Variants in NPR3 observed in about 807,000 individuals in gnomAD.
NPR3 encodes atrial natriuretic peptide receptor 3.
NPR3 carries 34 observed loss-of-function variants against 54.5 expected under a neutral mutation model. The ratio of observed to expected loss-of-function variants is 0.62; its 90% confidence interval spans 0.47 to 0.83. The LOEUF is 0.83. Ranked by LOEUF, NPR3 falls within the 40% of genes least tolerant of loss-of-function variation. The pLI, the probability that NPR3 is intolerant of heterozygous loss-of-function variation, is 0.00. For synonymous variants in NPR3, 289 were observed against 297.1 expected, an observed-to-expected ratio of 0.97 and a Z score of 0.28; for missense variants, 674 against 720.8, an observed-to-expected ratio of 0.94 and a Z score of 0.74.
At chr5:32,710,645 G>C (rs1462756240), upstream of NPR3, 1 of 1,482,192 alleles carries the variant, frequency 6.7e-7, no homozygotes, top group South Asian at 1.4e-5. Flanking sequence ...CGGGCCAGCC[G>C]GGCACACCAG....
chr5:32,780,063 C>A (rs1742258969), intron 4 of NPR3, among the ~76,000 whole-genome samples: 1 of 152,202 alleles, frequency 6.6e-6, no homozygotes, highest in Non-Finnish European at 1.5e-5. Context: ...AATCCCCAGT[C>A]CAGGCTGCCC....
intron 6 of NPR3, among the ~76,000 whole-genome samples, chr5:32,784,110 A>G (rs1019303211): frequency 6.6e-6 from 1 of 152,222 alleles, no homozygotes; most frequent in Non-Finnish European, 1.5e-5. Flanking sequence ...CAAATCTTCT[A>G]GCACTTTGAA....
chr5:32,785,746 C>T (rs767746762), intron 7 of NPR3, among the ~76,000 whole-genome samples: 2 of 152,130 alleles, frequency 1.3e-5, no homozygotes, highest in Non-Finnish European at 2.9e-5. Flanking sequence ...ATTGTTCTGC[C>T]CCGTGAGGGT....
At chr5:32,713,309 T>G in intron 1 of NPR3, 1 of 985,386 alleles carries the variant, frequency 1.0e-6, no homozygotes, top group Non-Finnish European at 1.2e-6. Context: ...CCAAGTTTTC[T>G]CCATGGGTCT....
At chr5:32,737,079 G>A (rs1739786149) in intron 2 of NPR3, among the ~76,000 whole-genome samples, 1 of 152,204 alleles carries the variant, frequency 6.6e-6, no homozygotes, top group African/African-American at 2.4e-5. Context: ...TGCCTGTGCT[G>A]TGATGTAGGC....
chr5:32,715,644 C>A (rs1468816465), intron 1 of NPR3, among the ~76,000 whole-genome samples: 1 of 152,164 alleles, frequency 6.6e-6, no homozygotes. Flanking sequence ...TTCACTTACA[C>A]AGCCAGCTAC....
chr5:32,693,888 G>C (rs58739438), intron 1 of NPR3, among the ~76,000 whole-genome samples: 54,116 of 151,994 alleles, frequency 0.36, 9,964 homozygotes, highest in Middle Eastern at 0.46. Flanking sequence ...TACACTCCCC[G>C]CAATGCAATC....
rs534430569 is a variant in NPR3, at chr5:32,712,528, T to G, written c.752T>G (p.Ile251Ser). ...DLDLEDIVRN[I>S]QASERVVIMC... Reference sequence around the variant, plus strand: ...GATCTGGAAGACATCGTGCGCAATATCCAGGCCAGTGAGAGAGGTGAGCAG... The same window carrying G: ...GATCTGGAAGACATCGTGCGCAATAGCCAGGCCAGTGAGAGAGGTGAGCAG... The change falls in exon 1 of 8, where the codon ATC (isoleucine) becomes AGC (serine). Residue 251 changes from isoleucine to serine, a missense_variant. Transcript: ENST00000265074. 9 of 1,527,276 alleles carry G rather than the reference T, an allele frequency of 5.9e-6. No individual in the cohort carries two copies. The highest frequency in any genetic ancestry group is 7.0e-6 in the Non-Finnish European group (8 of 1,140,316). 94.6% of individuals were successfully genotyped at this position (1,527,276 alleles called of 1,614,324 possible).
rs1742912984 is a variant in NPR3 at position 32,791,548 on chromosome 5, G to A, written c.*5203G>A. The A allele has an allele frequency of 6.0e-6, 1 of 167,040 alleles. No homozygotes were observed. The highest frequency in any genetic ancestry group is 6.5e-5 in the Admixed American group (1 of 15,282). The allele number at this position is 167,040 out of a possible 1,614,324, so 10.3% of individuals were successfully genotyped here. ...ACTAATGACTGTGGATATAACCCATGTTTTGTATAATATATTTTATTTCTT... is the reference window on the plus strand; with the variant it reads ...ACTAATGACTGTGGATATAACCCATATTTTGTATAATATATTTTATTTCTT... On this transcript the variant is annotated 3_prime_UTR_variant, in exon 8 of 8. Transcript: ENST00000265074.
intron 4 of NPR3, among the ~76,000 whole-genome samples, chr5:32,775,335 C>T (rs2112051112): frequency 6.6e-6 from 1 of 150,836 alleles, no homozygotes; most frequent in South Asian, 2.1e-4. Flanking sequence ...GCTCTTGTTG[C>T]CCAGGCTGGA....
chr5:32,771,957 T>C (rs981691630), intron 3 of NPR3, among the ~76,000 whole-genome samples: 1 of 150,840 alleles, frequency 6.6e-6, no homozygotes, highest in African/African-American at 2.4e-5. Flanking sequence ...GACCTCAAAC[T>C]TAAAAAAAAA....
At chr5:32,733,911 G>A in intron 2 of NPR3, among the ~76,000 whole-genome samples, 1 of 152,144 alleles carries the variant, frequency 6.6e-6, no homozygotes, top group East Asian at 1.9e-4. Flanking sequence ...TTGGTATCTG[G>A]AGTCTGGCTT....
At chr5:32,706,504 T>G (rs1024082434), upstream of NPR3, among the ~76,000 whole-genome samples, 2 of 152,236 alleles carry the variant, frequency 1.3e-5, no homozygotes, top group Non-Finnish European at 2.9e-5. Flanking sequence ...ATTTTGCTTG[T>G]TGACTTTCTG....
chr5:32,757,876 T>TGGTTCTCTTTATATGA (rs1290293987), intron 3 of NPR3, among the ~76,000 whole-genome samples: 2 of 152,260 alleles, frequency 1.3e-5, no homozygotes, highest in African/African-American at 4.8e-5. Context: ...TTTTTGTCTT[T>TGGTTCTCTTTATATGA]GGTTCTCTTT....
chr5:32,751,694 T>A (rs1740586544), intron 3 of NPR3, among the ~76,000 whole-genome samples: 1 of 152,158 alleles, frequency 6.6e-6, no homozygotes, highest in Non-Finnish European at 1.5e-5. Context: ...TGTTTGGGCA[T>A]TCCCTCTCTC....
intron 2 of NPR3, among the ~76,000 whole-genome samples, chr5:32,728,881 A>C (rs1329693708): frequency 7.4e-6 from 1 of 134,384 alleles, no homozygotes; most frequent in African/African-American, 2.7e-5. Context: ...ATATATGTAA[A>C]ATGAGACATC....
At chr5:32,719,619 A>G (rs182590608) in intron 1 of NPR3, among the ~76,000 whole-genome samples, 2 of 152,048 alleles carry the variant, frequency 1.3e-5, no homozygotes, top group Middle Eastern at 3.4e-3. Flanking sequence ...TTATCCAGAA[A>G]CTCACATCTT....
At chr5:32,734,867 T>C (rs1264494844) in intron 2 of NPR3, among the ~76,000 whole-genome samples, 1 of 152,208 alleles carries the variant, frequency 6.6e-6, no homozygotes, top group East Asian at 1.9e-4. Flanking sequence ...GAGCATTCGA[T>C]CTTGTTGCCA....
intron 3 of NPR3, among the ~76,000 whole-genome samples, chr5:32,745,669 C>T (rs751808413): frequency 1.3e-5 from 2 of 152,212 alleles, no homozygotes; most frequent in Non-Finnish European, 2.9e-5. Context: ...GCAACACAGG[C>T]TGAAGTATTT....
Sources: gnomAD v4.1 joint callset for allele counts (sites outside exome capture counted in the v4.1 genomes callset) on GRCh38, gnomAD v4.1.1 for gene constraint, MANE v1.5 for transcripts, NCBI Gene and HGNC (gene_info 2026-07-23, HGNC 2026-07-21) for gene names.